Variants in CADPS2 observed in about 807,000 individuals in gnomAD.
CADPS2 encodes calcium dependent secretion activator 2, also known as calcium-dependent secretion activator 2.
A neutral mutation model predicts 172.5 loss-of-function variants in CADPS2; 93 were observed. The observed-to-expected ratio is 0.54, with a 90% CI of 0.46 to 0.64. The LOEUF (loss-of-function observed/expected upper bound fraction) is 0.64. Ranked by LOEUF, CADPS2 falls within the 30% of genes least tolerant of loss-of-function variation. CADPS2 has a pLI of 0.00. For missense variants in CADPS2, 1,420 were observed against 1,565.9 expected (o/e 0.91, Z 1.57); for synonymous variants, 546 against 555.2 (o/e 0.98, Z 0.23).
At chr7:122,883,568 G>A (rs565886572) in intron 1 of CADPS2, among the ~76,000 whole-genome samples, 4 of 152,064 alleles carry the variant, frequency 2.6e-5, no homozygotes, top group Non-Finnish European at 5.9e-5. Flanking sequence ...GTAAGTTTTG[G>A]CATTACTTAT....
At chr7:122,357,438 A>C (rs940543446) in intron 27 of CADPS2, 5 of 152,102 alleles carry the variant, frequency 3.3e-5, no homozygotes, top group African/African-American at 1.2e-4. Flanking sequence ...TTCACAATAG[A>C]ATTATTTTAT....
At chr7:122,871,479 A>C (rs1049514253) in intron 1 of CADPS2, among the ~76,000 whole-genome samples, 1 of 152,044 alleles carries the variant, frequency 6.6e-6, no homozygotes, top group Non-Finnish European at 1.5e-5. Context: ...CCACAAAAAA[A>C]AAACAGGATA....
At chr7:122,840,934 T>G (rs1810304574) in intron 1 of CADPS2, among the ~76,000 whole-genome samples, 2 of 151,886 alleles carry the variant, frequency 1.3e-5, no homozygotes. Context: ...TAGGTAAAAA[T>G]TAACACAAGA....
intron 1 of CADPS2, among the ~76,000 whole-genome samples, chr7:122,765,890 C>A (rs531342366): frequency 1.3e-5 from 2 of 152,188 alleles, no homozygotes; most frequent in East Asian, 1.9e-4. Flanking sequence ...GATTTCTGGG[C>A]TCAATTCCTG....
chr7:122,882,372 T>C (rs1295636293), intron 1 of CADPS2, among the ~76,000 whole-genome samples: 1 of 152,130 alleles, frequency 6.6e-6, no homozygotes, highest in African/African-American at 2.4e-5. Context: ...AGGTTCTATT[T>C]TAATACCCTC....
chr7:122,356,136 T>C (rs1272168862), intron 27 of CADPS2, among the ~76,000 whole-genome samples: 3 of 152,164 alleles, frequency 2.0e-5, no homozygotes, highest in Non-Finnish European at 4.4e-5. Context: ...ATATCCTTTT[T>C]CTCTTCCATG....
At chr7:122,427,518 GA>G (rs1174549186) in intron 17 of CADPS2, 2 of 152,130 alleles carry the variant, frequency 1.3e-5, no homozygotes, top group African/African-American at 2.4e-5. Flanking sequence ...TTCTATTACA[GA>G]GGAATTGAGT....
chr7:122,537,377 A>G (rs546974284), intron 8 of CADPS2, among the ~76,000 whole-genome samples: 47 of 151,870 alleles, frequency 3.1e-4, no homozygotes, highest in African/African-American at 1.0e-3. Context: ...AGAAAATTAT[A>G]AAGTGTAATG....
chr7:122,722,215 G>T (rs973465071), intron 2 of CADPS2, among the ~76,000 whole-genome samples: 2 of 151,832 alleles, frequency 1.3e-5, no homozygotes, highest in Admixed American at 6.6e-5. Context: ...GAGAAAGAAA[G>T]AAAGGGTATT....
chr7:122,318,680 A>C lies in CADPS2; in HGVS notation c.*1485T>G, dbSNP rs1018622091. ...TTAGTCTTTAATCCCGGAAGAAGGA[A>C]GAAATTTCCTTGTTTGTTATCTTAG... On this transcript the variant is annotated 3_prime_UTR_variant, in exon 30 of 30. Transcript: ENST00000449022. 1.3e-5 allele frequency: 2 copies of C among 152,200 alleles called. No individual in the cohort carries two copies. The highest frequency in any genetic ancestry group is 4.1e-4 in the South Asian group (2 of 4,830). The allele number at this position is 152,200 out of a possible 1,614,324, so 9.4% of individuals were successfully genotyped here.
At chr7:122,740,171 T>C (rs910689399) in intron 1 of CADPS2, among the ~76,000 whole-genome samples, 2 of 152,174 alleles carry the variant, frequency 1.3e-5, no homozygotes, top group Non-Finnish European at 2.9e-5. Flanking sequence ...AACAGGTTGA[T>C]GGTTTCTTAC....
At chr7:122,787,198 A>G (rs1467504744) in intron 1 of CADPS2, among the ~76,000 whole-genome samples, 2 of 152,162 alleles carry the variant, frequency 1.3e-5, no homozygotes, top group East Asian at 3.9e-4. Flanking sequence ...CCTCAATCTC[A>G]TGAGGGTTTT....
In CADPS2 at chr7:122,564,922, A is replaced by G. The variant is rs531591984; in HGVS notation, c.1336-10233T>C. On this transcript the variant is annotated intron_variant, in intron 7 of 29. Coordinates refer to ENST00000449022, the MANE Select transcript of CADPS2 (RefSeq NM_017954.11). Reference sequence around the variant, plus strand: ...GAGAGAATGAAATTATGTCTTTTACAGCAACATGGATGGAGCTGGAGGCCA... The same window carrying G: ...GAGAGAATGAAATTATGTCTTTTACGGCAACATGGATGGAGCTGGAGGCCA... Among the ~76,000 whole-genome samples the G allele has an allele frequency of 9.2e-5, 14 of 152,074 alleles. No homozygotes were observed. The South Asian group carries it at 2.9e-3, about 32-fold the overall frequency.
intron 2 of CADPS2, chr7:122,697,915 T>C: frequency 6.2e-7 from 1 of 1,613,878 alleles, no homozygotes; most frequent in Middle Eastern, 1.7e-4. Context: ...ATTATTTGTC[T>C]CCTCTTCACT....
intron 4 of CADPS2, among the ~76,000 whole-genome samples, chr7:122,627,042 G>T (rs1018616041): frequency 6.6e-6 from 1 of 152,178 alleles, no homozygotes; most frequent in Non-Finnish European, 1.5e-5. Context: ...ACTAATAGCT[G>T]TTTATTAACC....
chr7:122,698,704 G>C (rs1025576306), intron 2 of CADPS2: 2 of 1,613,482 alleles, frequency 1.2e-6, no homozygotes, highest in African/African-American at 1.3e-5. Flanking sequence ...TATAACTCCT[G>C]CCACTCTCTT....
At chr7:122,513,200 T>C (rs778860482) in intron 9 of CADPS2, 49 bp downstream of exon 9, 14 of 1,310,528 alleles carry the variant, frequency 1.1e-5, no homozygotes, top group Admixed American at 1.1e-4. Context: ...AAACAAATTT[T>C]GAGAACTGCT....
chr7:122,821,641 A>T (rs182162839), intron 1 of CADPS2, among the ~76,000 whole-genome samples: 182 of 152,206 alleles, frequency 1.2e-3, no homozygotes, highest in African/African-American at 4.1e-3. Context: ...TTCCCACCTC[A>T]ATACAGTCTG....
Position 122,373,168 on chromosome 7 carries a change from T to A in CADPS2, c.3387+6200A>T, listed in dbSNP as rs530690614. On this transcript the variant is annotated intron_variant, in intron 25 of 29. Transcript: ENST00000449022. ...GGTAAAAACAAGTGTGAACAAACTG[T>A]CTTATAGGCTATTTTTTTTTTAATA... 7.2e-5 allele frequency among the ~76,000 whole-genome samples: 11 copies of A among 152,218 alleles called. No individual in the cohort carries two copies. In the East Asian group the frequency reaches 1.7e-3, roughly 24 times the overall value.
Sources: gnomAD v4.1 joint callset for allele counts (sites outside exome capture counted in the v4.1 genomes callset) on GRCh38, gnomAD v4.1.1 for gene constraint, MANE v1.5 for transcripts, NCBI Gene and HGNC (gene_info 2026-07-23, HGNC 2026-07-21) for gene names.